INAVA: variants seen among roughly 807,000 people sequenced by gnomAD.
INAVA encodes innate immunity activator protein.
A neutral mutation model predicts 55.3 loss-of-function variants in INAVA; 32 were observed. The observed-to-expected ratio is 0.58, with a 90% CI of 0.44 to 0.78. INAVA has a LOEUF of 0.78. INAVA is among the 30% of genes least tolerant of loss of function. The pLI, the probability that INAVA is intolerant of heterozygous loss-of-function variation, is 0.00. For synonymous variants in INAVA, 294 were observed against 329.4 expected, an observed-to-expected ratio of 0.89 and a Z score of 1.16; for missense variants, 756 against 786.4, an observed-to-expected ratio of 0.96 and a Z score of 0.46.
intron 6 of INAVA, chr1:200,908,349 C>T (rs1022566435): frequency 2.4e-5 from 5 of 208,466 alleles, no homozygotes; most frequent in Non-Finnish European, 4.8e-5. Context: ...TGCAGTCCTG[C>T]CCAGGGGAGT....
chr1:200,911,593 C>T lies in INAVA; in HGVS notation c.1100C>T (p.Ser367Phe). 2 of 1,614,030 alleles carry T rather than the reference C, an allele frequency of 1.2e-6. No homozygotes were observed. The highest frequency in any genetic ancestry group is 1.7e-6 in the Non-Finnish European group (2 of 1,179,952). Residue 367 changes from serine to phenylalanine, a missense_variant, in exon 9 of 10, where the codon TCC becomes TTC. By Grantham distance (155) the Ser-to-Phe change is radical (BLOSUM62 -2). Around this residue, in one of 2 missense-constraint regions of INAVA, gnomAD observed 639 missense variants for 624.3 expected, o/e 1.02. Coordinates refer to ENST00000413687, the MANE Select transcript of INAVA (RefSeq NM_001142569.3). ...CCGCTGCCCCACGCCGCCTGCCACT[C>T]CTGCTCAGAAGACAGTGGCTCTGAC... ...KPPLPHAACH[S>F]CSEDSGSDVS...
chr1:200,894,241 T>TGTCAGTGCCC (rs925078067), upstream of INAVA, among the ~76,000 whole-genome samples: 3 of 152,144 alleles, frequency 2.0e-5, no homozygotes, highest in African/African-American at 7.2e-5. Flanking sequence ...GGTCAGTGCC[T>TGTCAGTGCCC]GTCAGTGCCC....
rs1653031796 is a variant in INAVA, at chr1:200,898,177, C to G, written c.-94-130C>G. ...GTCAGCACCCCCAGTGCCAGAATCT[C>G]CTGCCCCAGATGGTTCCTGAAGCAC... On this transcript the variant is annotated intron_variant, in intron 1 of 9. Transcript: ENST00000413687. The G allele has an allele frequency of 1.0e-5, 10 of 976,550 alleles. No homozygotes were observed. In the South Asian group the frequency reaches 1.5e-4, roughly 14 times the overall value. 60.5% of individuals were successfully genotyped at this position (976,550 alleles called of 1,614,324 possible).
intron 1 of INAVA, among the ~76,000 whole-genome samples, chr1:200,897,515 A>G (rs1206538879): frequency 6.6e-6 from 1 of 152,188 alleles, no homozygotes; most frequent in African/African-American, 2.4e-5. Context: ...GGCCTTGGCC[A>G]TGTGCCTGCC....
rs774248673 is a variant in INAVA, at chr1:200,908,977, G to T, written c.785+37G>T. On this transcript the variant is annotated intron_variant, in intron 7 of 9. Transcript: ENST00000413687. ...GGGGAAGGGAGAAGGGCAGGGCAGGGCAGGGAGTCGGTGGGAGCTATGCTG... is the reference window on the plus strand; with the variant it reads ...GGGGAAGGGAGAAGGGCAGGGCAGGTCAGGGAGTCGGTGGGAGCTATGCTG... The T allele has an allele frequency of 4.4e-6, 7 of 1,587,556 alleles. No individual in the cohort carries two copies. The Admixed American group carries it at 7.2e-5, about 16-fold the overall frequency.
At position 200,908,895 on chromosome 1, in the gene INAVA, C is replaced by A; in HGVS notation, c.740C>A (p.Pro247His). 1.9e-6 allele frequency: 3 copies of A among 1,613,904 alleles called. No individual in the cohort carries two copies. Among genetic ancestry groups the A allele is most frequent in the South Asian group, 1.1e-5 (1 of 91,058 alleles). ...SPWKETSLDH[P>H]YEKPRKSSEP... Reference sequence around the variant, plus strand: ...TGGAAGGAAACCAGCCTGGACCACCCCTATGAGAAGCCCAGGAAGTCTTCT... The same window carrying A: ...TGGAAGGAAACCAGCCTGGACCACCACTATGAGAAGCCCAGGAAGTCTTCT... Residue 247 changes from proline (P) to histidine (H), a missense_variant, in exon 7 of 10, where the codon CCC becomes CAC. Physicochemically the swap from Pro to His is moderately conservative, Grantham distance 77. Transcript: ENST00000413687.
Position 200,899,529 on chromosome 1 carries a change from C to G in INAVA, c.112C>G (p.Gln38Glu). The G allele has an allele frequency of 6.2e-7, 1 of 1,613,958 alleles. No homozygotes were observed. The highest frequency in any genetic ancestry group is 1.1e-5 in the South Asian group (1 of 91,070). Residue 38 changes from glutamine to glutamate, a missense_variant, in exon 3 of 10, where the codon CAG becomes GAG. Around this residue, in one of 2 missense-constraint regions of INAVA, gnomAD observed 639 missense variants for 624.3 expected, o/e 1.02. Coordinates refer to ENST00000413687, the MANE Select transcript of INAVA (RefSeq NM_001142569.3). ...GCTGACCCATGCAGTGCACAAGCAG[C>G]AGAGGGCCCTGGAAGCGAGGCTGGA... ...KELTHAVHKQ[Q>E]RALEARLEAC...
chr1:200,901,214 G>A, intron 5 of INAVA, 55 bp downstream of exon 5: 1 of 1,429,738 alleles, frequency 7.0e-7, no homozygotes, highest in South Asian at 1.4e-5. Context: ...TTTGAGGGAT[G>A]GTGGGCGCAC....
upstream of INAVA, chr1:200,894,886 G>C (rs978089551): frequency 2.0e-6 from 2 of 985,548 alleles, no homozygotes; most frequent in African/African-American, 1.7e-5. Flanking sequence ...CAAGTAACCT[G>C]GTTCCCCTGG....
upstream of INAVA, among the ~76,000 whole-genome samples, chr1:200,892,260 C>T (rs763218106): frequency 6.6e-6 from 1 of 152,128 alleles, no homozygotes; most frequent in Non-Finnish European, 1.5e-5. Context: ...CTAGCGCTGG[C>T]CATTGATTCC....
At position 200,913,669 on chromosome 1, in the gene INAVA, G is replaced by A. The variant is rs754137038; in HGVS notation, c.*40G>A. 308 of 1,530,370 alleles carry A rather than the reference G, an allele frequency of 2.0e-4. 1 individual carries two copies. The South Asian group carries it at 3.3e-3, about 17-fold the overall frequency. The allele number at this position is 1,530,370 out of a possible 1,614,324, so 94.8% of individuals were successfully genotyped here. A position where few individuals can be genotyped will look rare whatever the true frequency, so the allele number is the denominator to read the frequency against. On this transcript the variant is annotated 3_prime_UTR_variant, in exon 10 of 10. Coordinates refer to ENST00000413687, the MANE Select transcript of INAVA (RefSeq NM_001142569.3). ...CTGGAAAAAACTGTTTCATAGAGGG[G>A]CTGGGCTGAGACCCCCCCACCCCTG...
chr1:200,905,919 G>A (rs962753725), intron 5 of INAVA, among the ~76,000 whole-genome samples: 7 of 152,324 alleles, frequency 4.6e-5, no homozygotes, highest in Non-Finnish European at 1.0e-4. Flanking sequence ...GTTAAGAGCA[G>A]ACTCCAGTCA....
chr1:200,898,787 C>T (rs1653080165), intron 2 of INAVA, among the ~76,000 whole-genome samples: 1 of 152,206 alleles, frequency 6.6e-6, no homozygotes, highest in Admixed American at 6.5e-5. Context: ...TGCCTGTAAT[C>T]CCAGCACTTT....
At chr1:200,892,489 C>T (rs1306487288), upstream of INAVA, among the ~76,000 whole-genome samples, 2 of 152,306 alleles carry the variant, frequency 1.3e-5, no homozygotes, top group Middle Eastern at 3.4e-3. Flanking sequence ...CCTCAGGAAA[C>T]GAAAACACTG....
Position 200,899,518 on chromosome 1 carries a change from T to C in INAVA, c.101T>C (p.Val34Ala), listed in dbSNP as rs1414580285. 3 of 1,613,722 alleles carry C rather than the reference T, an allele frequency of 1.9e-6. No homozygotes were observed. The highest frequency in any genetic ancestry group is 1.7e-5 in the Admixed American group (1 of 59,972). ...CCAATGAAGGAGCTGACCCATGCAGTGCACAAGCAGCAGAGGGCCCTGGAA... is the reference window on the plus strand; with the variant it reads ...CCAATGAAGGAGCTGACCCATGCAGCGCACAAGCAGCAGAGGGCCCTGGAA... ...VSPMKELTHAVHKQQRALEAR... is the reference protein window; with the variant it reads ...VSPMKELTHAAHKQQRALEAR... The change falls in exon 3 of 10, where the codon GTG becomes GCG. Residue 34 changes from valine to alanine, a missense_variant. Val to Ala is a moderately conservative substitution (Grantham distance 64). Transcript: ENST00000413687.
chr1:200,900,170 C>G lies in INAVA; in HGVS notation c.247C>G (p.Arg83Gly). The change falls in exon 4 of 10, where the codon CGC becomes GGC. Residue 83 changes from arginine to glycine, a missense_variant. Physicochemically the swap from Arg to Gly is moderately radical, Grantham distance 125. Transcript: ENST00000413687. ...KPGEKAPKVR[R>G]RIGAAYKLDD... ...AGGGGAAAAGGCCCCCAAGGTTCGC[C>G]GCAGGATCGGAGCGGCTTACAAACT... 1 of 1,614,144 alleles carries G rather than the reference C, an allele frequency of 6.2e-7. No homozygotes were observed. Among genetic ancestry groups the G allele is most frequent in the Non-Finnish European group, 8.5e-7 (1 of 1,179,982 alleles).
chr1:200,900,939 C>G lies in INAVA; in HGVS notation c.300C>G (p.Asp100Glu), dbSNP rs1255035842. Residue 100 changes from aspartate (D) to glutamate (E), a missense_variant and splice_region_variant, in exon 5 of 10, where the codon GAC becomes GAG. By Grantham distance (45) the Asp-to-Glu change is conservative. Coordinates refer to ENST00000413687, the MANE Select transcript of INAVA (RefSeq NM_001142569.3). ...CTCACTCCTGCCCCCTCTCTCAGGA[C>G]CCCCTAAGCAGCCTGGAGCGCCAGC... ...KLDDWALHRE[D>E]PLSSLERQLA... 4 of 1,544,670 alleles carry G rather than the reference C, an allele frequency of 2.6e-6. No homozygotes were observed. The African/African-American group carries it at 4.1e-5, about 16-fold the overall frequency.
chr1:200,911,751 G>A lies in INAVA; in HGVS notation c.1258G>A (p.Ala420Thr), dbSNP rs772463898. The A allele has an allele frequency of 7.4e-6, 12 of 1,611,518 alleles. No individual in the cohort carries two copies. Among genetic ancestry groups the A allele is most frequent in the Non-Finnish European group, 1.0e-5 (12 of 1,178,470 alleles). ...WVPAGSRELV[A>T]HHPKLLLPPG... is the part of the protein sequence containing the mutation. Reference sequence around the variant, plus strand: ...CCCAGCCGGCAGCAGAGAGCTGGTCGCCCACCACCCCAAGCTACTGCTGCC... The same window carrying A: ...CCCAGCCGGCAGCAGAGAGCTGGTCACCCACCACCCCAAGCTACTGCTGCC... Residue 420 changes from alanine (A) to threonine (T), a missense_variant, in exon 9 of 10, where the codon GCC becomes ACC. Coordinates refer to ENST00000413687, the MANE Select transcript of INAVA (RefSeq NM_001142569.3).
At chr1:200,898,923 G>C (rs1653085879) in intron 2 of INAVA, among the ~76,000 whole-genome samples, 1 of 152,134 alleles carries the variant, frequency 6.6e-6, no homozygotes, top group Non-Finnish European at 1.5e-5. Flanking sequence ...AGGTTGCAGT[G>C]AGCCGAGATC....
Sources: allele counts gnomAD v4.1 joint callset (sites outside exome capture counted in the v4.1 genomes callset), GRCh38; gene constraint gnomAD v4.1.1; regional missense constraint gnomAD v4.1.1; transcripts MANE v1.5; gene names NCBI Gene and HGNC (gene_info 2026-07-23, HGNC 2026-07-21).